Variants in ASXL1 observed in about 807,000 individuals in gnomAD.
ASXL1 encodes polycomb group protein ASXL1.
A neutral mutation model predicts 89.1 loss-of-function variants in ASXL1; 65 were observed. The ratio of observed to expected loss-of-function variants is 0.73; its 90% CI spans 0.60 to 0.90. ASXL1 has a LOEUF of 0.90. Among genes scored for constraint, ASXL1 ranks in the 40% least tolerant of loss-of-function variants. ASXL1 has a pLI of 0.00. For synonymous variants in ASXL1, 739 were observed against 746.9 expected, an observed-to-expected ratio of 0.99 and a Z score of 0.17; for missense variants, 1,786 against 1,942.9, an observed-to-expected ratio of 0.92 and a Z score of 1.52.
In ASXL1 at chr20:32,421,891, C is replaced by T. The variant is rs532097075; in HGVS notation, c.253-6237C>T. On this transcript the variant is annotated intron_variant, in intron 4 of 12. Coordinates refer to ENST00000375687, the MANE Select transcript of ASXL1 (RefSeq NM_015338.6). ...CTTTTTTTTTTTTTTTTTTTTGAGA[C>T]GGAGTCTGGCTCTGTCACCCAGGCT... Among the ~76,000 whole-genome samples, 11 of 105,554 alleles carry T rather than the reference C, an allele frequency of 1.0e-4. No individual in the cohort carries two copies. In the South Asian group the frequency reaches 1.3e-3, roughly 13 times the overall value. 69.2% of individuals were successfully genotyped at this position (105,554 alleles called of 152,430 possible).
At chr20:32,428,461 A>G (rs752941667) in intron 6 of ASXL1, 39 bp downstream of exon 6, 2 of 1,546,972 alleles carry the variant, frequency 1.3e-6, no homozygotes, top group Non-Finnish European at 1.8e-6. Flanking sequence ...AGGATGAATG[A>G]TGACAGGTAT....
chr20:32,427,458 C>T (rs192199082), intron 4 of ASXL1: 58 of 158,320 alleles, frequency 3.7e-4, no homozygotes, highest in African/African-American at 1.3e-3. Context: ...GATCCCTCCA[C>T]ATGGGTCTTA....
chr20:32,373,976 T>C (rs538181720), intron 4 of ASXL1, among the ~76,000 whole-genome samples: 5 of 152,234 alleles, frequency 3.3e-5, no homozygotes, highest in Non-Finnish European at 7.3e-5. Context: ...CATGGTGTTA[T>C]ATATAGACAT....
At chr20:32,410,510 A>G (rs2049024699) in intron 4 of ASXL1, among the ~76,000 whole-genome samples, 2 of 152,140 alleles carry the variant, frequency 1.3e-5, no homozygotes, top group Admixed American at 6.5e-5. Context: ...AAATATAACA[A>G]TTGCAACAAT....
At position 32,434,641 on chromosome 20, in the gene ASXL1, G is replaced by A. The variant is rs373998853; in HGVS notation, c.1929G>A (p.Gly643=). The change falls in exon 13 of 13, where the codon GGG becomes GGA. Residue 643 remains glycine (G), a synonymous_variant. Transcript: ENST00000375687. The part of the protein sequence containing the change: ...HREAATTAIG[G]GGGPGGGGGG... Reference sequence around the variant, plus strand: ...AGGCGGCCACCACTGCCATCGGAGGGGGGGGTGGCCCGGGTGGAGGTGGCG... The same window carrying A: ...AGGCGGCCACCACTGCCATCGGAGGAGGGGGTGGCCCGGGTGGAGGTGGCG... 206 of 1,607,440 alleles carry A rather than the reference G, an allele frequency of 1.3e-4. No individual in the cohort carries two copies. The highest frequency in any genetic ancestry group is 9.1e-5 in the Non-Finnish European group (107 of 1,176,866).
intron 8 of ASXL1, 99 bp from the exon 9 acceptor site, chr20:32,431,222 C>G (rs928557551): frequency 3.5e-6 from 5 of 1,445,158 alleles, no homozygotes; most frequent in Non-Finnish European, 4.8e-6. Context: ...CAGATAACTC[C>G]TGGGTAGCTT....
intron 4 of ASXL1, among the ~76,000 whole-genome samples, chr20:32,395,587 A>G (rs557622053): frequency 5.8e-4 from 88 of 152,018 alleles, no homozygotes; most frequent in South Asian, 1.9e-3. Context: ...TTTCTTTTGT[A>G]CTTCCCCACC....
intron 4 of ASXL1, among the ~76,000 whole-genome samples, chr20:32,409,029 A>G (rs750455861): frequency 6.6e-6 from 1 of 152,010 alleles, no homozygotes; most frequent in Non-Finnish European, 1.5e-5. Flanking sequence ...GCTGGAGTGC[A>G]GTGGCGGAAT....
intron 4 of ASXL1, among the ~76,000 whole-genome samples, chr20:32,417,552 C>T (rs909253727): frequency 6.6e-6 from 1 of 151,960 alleles, no homozygotes; most frequent in African/African-American, 2.4e-5. Context: ...ATGGAGAAGC[C>T]TTTTCTCAAG....
At chr20:32,365,376 A>G (rs1324313498) in intron 1 of ASXL1, among the ~76,000 whole-genome samples, 1 of 152,150 alleles carries the variant, frequency 6.6e-6, no homozygotes, top group African/African-American at 2.4e-5. Context: ...CTGAGGTCTT[A>G]TGTTCTTCCA....
At chr20:32,409,098 C>CTAGTA (rs983319091) in intron 4 of ASXL1, among the ~76,000 whole-genome samples, 5 of 152,074 alleles carry the variant, frequency 3.3e-5, no homozygotes, top group Admixed American at 3.3e-4. Flanking sequence ...CTCAGCCTCC[C>CTAGTA]TAGTAGCTGG....
Position 32,436,833 on chromosome 20 carries a change from TG to T in ASXL1, c.4127del (p.Gly1376ValfsTer74). On this transcript the variant is annotated frameshift_variant, in exon 13 of 13. Transcript: ENST00000375687. LOFTEE classifies it high-confidence loss of function. ...AGCGTCAAGAATGAGAAGACTTTTG[TG>T]GGGGGTCCTCTTAAGGCAAATGCCG... ...VGSVKNEKTF[V>X]GGPLKANAEN... 6.2e-7 allele frequency: 1 copy of T among 1,614,170 alleles called. No individual in the cohort carries two copies. The highest frequency in any genetic ancestry group is 1.3e-5 in the African/African-American group (1 of 75,044).
chr20:32,438,833 A>G lies in ASXL1; in HGVS notation c.*1495A>G, dbSNP rs1445862108. On this transcript the variant is annotated 3_prime_UTR_variant, in exon 13 of 13. Coordinates refer to ENST00000375687, the MANE Select transcript of ASXL1 (RefSeq NM_015338.6). ...GGCAGGTTTGGGAAGAAACAAAGCCATGCCTGCTCCTGCCTCTCTCCCAAC... is the reference window on the plus strand; with the variant it reads ...GGCAGGTTTGGGAAGAAACAAAGCCGTGCCTGCTCCTGCCTCTCTCCCAAC... 4.3e-6 allele frequency: 1 copy of G among 233,422 alleles called. No homozygotes were observed. Among genetic ancestry groups the G allele is most frequent in the Non-Finnish European group, 8.5e-6 (1 of 118,098 alleles). 14.5% of individuals were successfully genotyped at this position (233,422 alleles called of 1,614,324 possible).
At chr20:32,362,248 A>G (rs1388913072) in intron 1 of ASXL1, among the ~76,000 whole-genome samples, 2 of 152,206 alleles carry the variant, frequency 1.3e-5, no homozygotes, top group African/African-American at 4.8e-5. Flanking sequence ...AGTGCTTGCA[A>G]TGGCAATTGT....
intron 4 of ASXL1, among the ~76,000 whole-genome samples, chr20:32,411,582 C>T (rs1323591917): frequency 6.7e-6 from 1 of 148,356 alleles, no homozygotes; most frequent in Admixed American, 6.8e-5. Flanking sequence ...CGCTCTGTTG[C>T]CCAGGCTGGA....
intron 4 of ASXL1, among the ~76,000 whole-genome samples, chr20:32,412,445 T>G (rs1300503427): frequency 6.6e-6 from 1 of 152,202 alleles, no homozygotes; most frequent in African/African-American, 2.4e-5. Context: ...ATTACTTGGG[T>G]TAGATCTGTC....
At position 32,434,911 on chromosome 20, in the gene ASXL1, G is replaced by A. The variant is rs768911270; in HGVS notation, c.2199G>A (p.Gln733=). ...SLRKEESCLL[Q]RATVGLTDGL... is the part of the protein sequence containing the mutation. ...GAAAGGAGGAAAGCTGCCTACTACA[G>A]AGGGCTACAGTTGGACTCACAGATG... The change falls in exon 13 of 13, where the codon CAG becomes CAA. Residue 733 remains glutamine, a synonymous_variant. Coordinates refer to ENST00000375687, the MANE Select transcript of ASXL1 (RefSeq NM_015338.6). The A allele has an allele frequency of 6.2e-7, 1 of 1,614,078 alleles. No homozygotes were observed.
At position 32,437,750 on chromosome 20, in the gene ASXL1, T is replaced by C; in HGVS notation, c.*412T>C. 3.4e-6 allele frequency: 1 copy of C among 294,768 alleles called. No homozygotes were observed. Among genetic ancestry groups the C allele is most frequent in the South Asian group, 7.2e-5 (1 of 13,920 alleles). 18.3% of individuals were successfully genotyped at this position (294,768 alleles called of 1,614,324 possible). ...TTCCACTACCCCCTCCCTGCCATCT[T>C]TTCTTCTGCTACTTTGGGGAGTTGA... On this transcript the variant is annotated 3_prime_UTR_variant, in exon 13 of 13. Transcript: ENST00000375687.
At chr20:32,361,650 GAAA>G (rs2048113522) in intron 1 of ASXL1, among the ~76,000 whole-genome samples, 1 of 136,840 alleles carries the variant, frequency 7.3e-6, no homozygotes, top group Non-Finnish European at 1.6e-5. Context: ...AAAAAAAAAA[GAAA>G]AAAAGAAAAA....
Sources: gnomAD v4.1 joint callset for allele counts (sites outside exome capture counted in the v4.1 genomes callset) on GRCh38, gnomAD v4.1.1 for gene constraint, MANE v1.5 for transcripts, NCBI Gene and HGNC (gene_info 2026-07-23, HGNC 2026-07-21) for gene names.